STRBP: variants seen among roughly 807,000 people sequenced by gnomAD.
STRBP encodes spermatid perinuclear RNA-binding protein.
Under a neutral mutation model 80.1 loss-of-function variants are expected in STRBP, and 13 were observed. The ratio of observed to expected loss-of-function variants is 0.16; its 90% confidence interval spans 0.11 to 0.26. STRBP has a LOEUF of 0.26. Ranked by LOEUF, STRBP falls within the 10% of genes least tolerant of loss-of-function variation. The pLI is 1.00. For synonymous variants in STRBP, 284 were observed against 291.2 expected, an observed-to-expected ratio of 0.98 and a Z score of 0.25; for missense variants, 485 against 815.2, an observed-to-expected ratio of 0.59 and a Z score of 4.93.
chr9:123,152,268 A>G lies in STRBP; in HGVS notation c.1046-4398T>C, dbSNP rs182619777. Among the ~76,000 whole-genome samples, 10 of 152,322 alleles carry G rather than the reference A, an allele frequency of 6.6e-5. No homozygotes were observed. The East Asian group carries it at 1.9e-3, about 29-fold the overall frequency. ...AACTTTTCCAAACAATAGAAAAAGAAGGAATAGGTCCTAACTTACTTTATG... is the reference window on the plus strand; with the variant it reads ...AACTTTTCCAAACAATAGAAAAAGAGGGAATAGGTCCTAACTTACTTTATG... On this transcript the variant is annotated intron_variant, in intron 11 of 18. Coordinates refer to ENST00000348403, the MANE Select transcript of STRBP (RefSeq NM_018387.5).
At chr9:123,185,273 T>C (rs1186710696) in intron 2 of STRBP, among the ~76,000 whole-genome samples, 1 of 152,146 alleles carries the variant, frequency 6.6e-6, no homozygotes, top group Non-Finnish European at 1.5e-5. Flanking sequence ...AGTTTCTTAA[T>C]ATTAGCAGTT....
intron 1 of STRBP, among the ~76,000 whole-genome samples, chr9:123,264,755 T>C (rs1444053554): frequency 6.6e-6 from 1 of 152,230 alleles, no homozygotes; most frequent in East Asian, 1.9e-4. Flanking sequence ...ACTTAGGATA[T>C]CTAAAGTGCC....
chr9:123,157,985 AC>A, intron 11 of STRBP, 26 bp downstream of exon 11: 2 of 1,541,210 alleles, frequency 1.3e-6, no homozygotes, highest in Non-Finnish European at 1.8e-6. Flanking sequence ...CCAACCCCCA[AC>A]CCTAATAAAA....
At chr9:123,147,583 T>C (rs1486135050) in intron 12 of STRBP, among the ~76,000 whole-genome samples, 195 bp downstream of exon 12, 1 of 150,488 alleles carries the variant, frequency 6.6e-6, no homozygotes, top group Admixed American at 6.7e-5. Flanking sequence ...AAGGCTGAGG[T>C]TGAAGGATCA....
At chr9:123,134,524 C>T (rs1208295696) in intron 16 of STRBP, among the ~76,000 whole-genome samples, 2 of 152,172 alleles carry the variant, frequency 1.3e-5, no homozygotes, top group Admixed American at 1.3e-4. Context: ...AAATAGATTG[C>T]TTCTTGGCCG....
Position 123,136,279 on chromosome 9 carries a change from T to C in STRBP, c.1633-98A>G. ...GACACAGAAAACACCAAAAATCAAA[T>C]AGTGCCACAAGAACTGACTCAGTCT... On this transcript the variant is annotated intron_variant, in intron 15 of 18. Coordinates refer to ENST00000348403, the MANE Select transcript of STRBP (RefSeq NM_018387.5). The surrounding 1 kb of genome is among the most constrained non-coding windows in gnomAD (Gnocchi z 4.2). 6.3e-7 allele frequency: 1 copy of C among 1,594,292 alleles called. No homozygotes were observed. Among genetic ancestry groups the C allele is most frequent in the South Asian group, 1.1e-5 (1 of 88,354 alleles).
intron 6 of STRBP, among the ~76,000 whole-genome samples, chr9:123,163,835 A>T (rs2037631400): frequency 6.6e-6 from 1 of 152,160 alleles, no homozygotes; most frequent in Non-Finnish European, 1.5e-5. Context: ...TCTGAACTTT[A>T]ATGTAGGCGT....
chr9:123,186,335 AAGAC>A (rs1312119658), intron 2 of STRBP, among the ~76,000 whole-genome samples: 1 of 152,210 alleles, frequency 6.6e-6, no homozygotes, highest in East Asian at 1.9e-4. Flanking sequence ...GCAACAGAGC[AAGAC>A]CCTGGTCTCA....
intron 2 of STRBP, among the ~76,000 whole-genome samples, chr9:123,206,303 A>G (rs1484753269): frequency 6.6e-6 from 1 of 152,248 alleles, no homozygotes; most frequent in African/African-American, 2.4e-5. Flanking sequence ...TAAAGCTAAA[A>G]AACAGACAAT....
chr9:123,181,692 T>G (rs1351749007), intron 3 of STRBP, among the ~76,000 whole-genome samples: 1 of 149,864 alleles, frequency 6.7e-6, no homozygotes, highest in African/African-American at 2.5e-5. Context: ...CCCAGCTACT[T>G]GGGAGGCTGA....
intron 6 of STRBP, among the ~76,000 whole-genome samples, chr9:123,164,960 C>T (rs2037689226): frequency 6.6e-6 from 1 of 152,178 alleles, no homozygotes; most frequent in Non-Finnish European, 1.5e-5. Context: ...CAGTGGCAGT[C>T]TGCCACTGGA....
At chr9:123,158,978 G>T in intron 9 of STRBP, 118 bp downstream of exon 9, 1 of 723,562 alleles carries the variant, frequency 1.4e-6, no homozygotes, top group Non-Finnish European at 2.3e-6. Context: ...AAAATTCCAA[G>T]CAAAAGAACT....
intron 1 of STRBP, among the ~76,000 whole-genome samples, chr9:123,241,460 G>C (rs1307446636): frequency 3.3e-5 from 5 of 151,880 alleles, no homozygotes; most frequent in Non-Finnish European, 5.9e-5. Context: ...AGAGAGCCGT[G>C]ATCGTGCCAC....
chr9:123,152,723 A>C (rs1048543874), intron 11 of STRBP, among the ~76,000 whole-genome samples: 5 of 152,124 alleles, frequency 3.3e-5, no homozygotes, highest in Non-Finnish European at 5.9e-5. Context: ...GGGATTAGGG[A>C]TGGCTGAGCA....
intron 2 of STRBP, among the ~76,000 whole-genome samples, chr9:123,202,100 G>A (rs371823791): frequency 2.1e-4 from 32 of 152,106 alleles, no homozygotes; most frequent in African/African-American, 7.5e-4. Flanking sequence ...CCACTTTTCT[G>A]AGTTTACAGG....
chr9:123,245,062 T>C (rs1006708681), intron 1 of STRBP, among the ~76,000 whole-genome samples: 38 of 152,214 alleles, frequency 2.5e-4, no homozygotes, highest in African/African-American at 8.9e-4. Context: ...AAAGTTTACA[T>C]ACTATATTAC....
At chr9:123,246,487 G>C (rs142897549) in intron 1 of STRBP, among the ~76,000 whole-genome samples, 1 of 149,248 alleles carries the variant, frequency 6.7e-6, no homozygotes, top group East Asian at 2.1e-4. Context: ...TGTAGTTTTT[G>C]GTTTTTAGGT....
chr9:123,111,046 T>G (rs1478216715), intron 3 of STRBP: 1 of 167,176 alleles, frequency 6.0e-6, no homozygotes, highest in Non-Finnish European at 1.5e-5. Flanking sequence ...GCTGTCGGAA[T>G]AGAAGAGGTA....
intron 16 of STRBP, 134 bp from the exon 17 acceptor site, chr9:123,133,102 A>G: frequency 9.3e-7 from 1 of 1,072,988 alleles, no homozygotes; most frequent in Non-Finnish European, 1.3e-6. Flanking sequence ...GTGATCTTGA[A>G]CCTTCAATTT....
Sources: gnomAD v4.1 joint callset for allele counts (sites outside exome capture counted in the v4.1 genomes callset) on GRCh38, gnomAD v4.1.1 for gene constraint, Gnocchi (gnomAD v3.1) non-coding constraint, MANE v1.5 for transcripts, NCBI Gene and HGNC (gene_info 2026-07-23, HGNC 2026-07-21) for gene names.